Variants in WWOX observed in about 807,000 individuals in gnomAD.
WWOX encodes WW domain containing oxidoreductase.
A neutral mutation model predicts 46.2 loss-of-function variants in WWOX; 69 were observed. That is an observed-to-expected ratio of 1.49 (90% CI 1.23 to 1.82). WWOX has a LOEUF of 1.82. Among genes scored for constraint, WWOX ranks in the 40% most tolerant of loss-of-function variants. The probability of loss-of-function intolerance (pLI) is 0.00; values close to 1 mark genes in which losing one functional copy is unlikely to be tolerated. For missense variants in WWOX, 919 were observed against 542.6 expected (o/e 1.69, Z -6.89); for synonymous variants, 359 against 202.6 (o/e 1.77, Z -6.56).
At chr16:78,272,342 C>T (rs2079494095) in intron 5 of WWOX, among the ~76,000 whole-genome samples, 2 of 152,116 alleles carry the variant, frequency 1.3e-5, no homozygotes, top group Non-Finnish European at 2.9e-5. Context: ...CTACACATGG[C>T]CTTTCCTGCA....
rs1390364095 is a variant in WWOX at position 79,114,762 on chromosome 16, C to A, written c.1057-96846C>A. On this transcript the variant is annotated intron_variant, in intron 8 of 8. Transcript: ENST00000566780. The stretch of plus-strand genomic sequence containing the variant: ...AACCAAGGGGAGCTAAAGATATACC[C>A]TTTAGCCAAGTAAACCAGCTGCCCC... Among the ~76,000 whole-genome samples, 3 of 152,120 alleles carry A rather than the reference C, an allele frequency of 2.0e-5. No homozygotes were observed. The East Asian group carries it at 5.8e-4, about 29-fold the overall frequency.
intron 8 of WWOX, among the ~76,000 whole-genome samples, chr16:78,476,382 C>A (rs1422105070): frequency 6.6e-6 from 1 of 152,126 alleles, no homozygotes; most frequent in Non-Finnish European, 1.5e-5. Flanking sequence ...CGCATGTTCT[C>A]ACTCATAGGT....
intron 8 of WWOX, among the ~76,000 whole-genome samples, chr16:79,066,639 A>T (rs1343176469): frequency 3.3e-5 from 5 of 152,214 alleles, no homozygotes; most frequent in Non-Finnish European, 7.3e-5. Flanking sequence ...ATAGAGCCGG[A>T]TTAAGCAAGC....
At chr16:78,487,901 C>A (rs1032196283) in intron 8 of WWOX, among the ~76,000 whole-genome samples, 1 of 152,150 alleles carries the variant, frequency 6.6e-6, no homozygotes, top group Non-Finnish European at 1.5e-5. Flanking sequence ...AAATTAATGT[C>A]CGCCTAGGCA....
At chr16:78,819,479 G>C (rs2051433992) in intron 8 of WWOX, among the ~76,000 whole-genome samples, 1 of 152,104 alleles carries the variant, frequency 6.6e-6, no homozygotes, top group South Asian at 2.1e-4. Context: ...CCTTTTTCTA[G>C]AAATTTCTGC....
At chr16:78,160,816 C>G (rs1808433495) in intron 4 of WWOX, among the ~76,000 whole-genome samples, 1 of 152,078 alleles carries the variant, frequency 6.6e-6, no homozygotes, top group Non-Finnish European at 1.5e-5. Flanking sequence ...TTAAGTTGTT[C>G]AAGTCTTCTA....
At chr16:78,866,583 T>C (rs1056791749) in intron 8 of WWOX, among the ~76,000 whole-genome samples, 1 of 152,182 alleles carries the variant, frequency 6.6e-6, no homozygotes, top group African/African-American at 2.4e-5. Flanking sequence ...ACAAAATCAC[T>C]TAAGTGTTCA....
rs924893374 is a variant in WWOX, at chr16:78,460,121, C to T, written c.1056+27369C>T. Among the ~76,000 whole-genome samples the T allele has an allele frequency of 4.0e-5, 6 of 151,598 alleles. No homozygotes were observed. In the South Asian group the frequency reaches 8.4e-4, roughly 21 times the overall value. On this transcript the variant is annotated intron_variant, in intron 8 of 8. Transcript: ENST00000566780. ...TGTACCTGGACTCCACTATGCCTTC[C>T]CCTCCCCTTCCCTCCCTTCCCCACC...
chr16:78,674,249 C>A (rs2047535588), intron 8 of WWOX, among the ~76,000 whole-genome samples: 1 of 151,624 alleles, frequency 6.6e-6, no homozygotes, highest in Non-Finnish European at 1.5e-5. Flanking sequence ...GGGAAGCACT[C>A]CCCATCCAAC....
intron 8 of WWOX, among the ~76,000 whole-genome samples, chr16:78,940,714 T>C (rs1169124400): frequency 1.3e-5 from 2 of 150,432 alleles, no homozygotes; most frequent in African/African-American, 4.9e-5. Flanking sequence ...ACAAAGCATA[T>C]CTACCCAGCG....
intron 8 of WWOX, among the ~76,000 whole-genome samples, chr16:79,177,116 G>C (rs972861319): frequency 1.3e-5 from 2 of 152,174 alleles, no homozygotes; most frequent in Non-Finnish European, 2.9e-5. Context: ...CAGTGCACAA[G>C]TCCTTCTGAG....
intron 5 of WWOX, among the ~76,000 whole-genome samples, chr16:78,186,659 G>A (rs1366474920): frequency 6.6e-6 from 1 of 152,196 alleles, no homozygotes; most frequent in Non-Finnish European, 1.5e-5. Context: ...CAGCTACTGA[G>A]GAGGCTGAGG....
At chr16:78,305,288 C>T (rs62035715) in intron 5 of WWOX, among the ~76,000 whole-genome samples, 10,440 of 152,120 alleles carry the variant, frequency 0.069, 1,005 homozygotes, top group African/African-American at 0.22. Flanking sequence ...ATGATCCTCC[C>T]TTGCCAGGGA....
intron 8 of WWOX, among the ~76,000 whole-genome samples, chr16:78,499,317 C>G (rs952917663): frequency 6.6e-6 from 1 of 152,168 alleles, no homozygotes; most frequent in African/African-American, 2.4e-5. Context: ...GGGTGGCACA[C>G]ATGCTCTGTA....
chr16:78,224,322 A>G (rs1401787778), intron 5 of WWOX, among the ~76,000 whole-genome samples: 1 of 151,988 alleles, frequency 6.6e-6, no homozygotes, highest in African/African-American at 2.4e-5. Context: ...TTCTTTGTTA[A>G]GTGGAACAAG....
At chr16:78,218,460 T>C (rs2036791520) in intron 5 of WWOX, among the ~76,000 whole-genome samples, 1 of 151,912 alleles carries the variant, frequency 6.6e-6, no homozygotes, top group Admixed American at 6.6e-5. Context: ...GGACTAAGGG[T>C]GTGTGAGGAT....
chr16:78,821,681 A>G (rs1008030633), intron 8 of WWOX, among the ~76,000 whole-genome samples: 1 of 152,192 alleles, frequency 6.6e-6, no homozygotes, highest in Non-Finnish European at 1.5e-5. Context: ...GGTGACAAAG[A>G]CAGAGGCTCA....
intron 8 of WWOX, among the ~76,000 whole-genome samples, chr16:79,162,842 G>A (rs1020130793): frequency 6.6e-6 from 1 of 152,146 alleles, no homozygotes; most frequent in Admixed American, 6.5e-5. Flanking sequence ...TGCAAACCAT[G>A]TCTTCCCAGA....
intron 5 of WWOX, among the ~76,000 whole-genome samples, chr16:78,358,641 G>C (rs1465716708): frequency 6.6e-6 from 1 of 151,358 alleles, no homozygotes; most frequent in African/African-American, 2.4e-5. Flanking sequence ...CTGAGCAACA[G>C]AGCAAGACTC....
Sources: gnomAD v4.1 joint callset for allele counts (sites outside exome capture counted in the v4.1 genomes callset) on GRCh38, gnomAD v4.1.1 for gene constraint, MANE v1.5 for transcripts, NCBI Gene and HGNC (gene_info 2026-07-23, HGNC 2026-07-21) for gene names.